Variants in TBC1D1 observed in about 807,000 individuals in gnomAD.
TBC1D1 encodes the protein TBC1 (tre-2/USP6, BUB2, cdc16) domain family, member 1.
TBC1D1 carries 89 observed loss-of-function variants against 125.6 expected under a neutral mutation model. The ratio of observed to expected loss-of-function variants is 0.71; its 90% CI spans 0.60 to 0.85. TBC1D1 has a LOEUF of 0.85. TBC1D1 is among the 40% of genes least tolerant of loss of function. The pLI is 0.00. For synonymous variants in TBC1D1, 565 were observed against 564.1 expected, an observed-to-expected ratio of 1.00 and a Z score of -0.02; for missense variants, 1,377 against 1,469.2, an observed-to-expected ratio of 0.94 and a Z score of 1.03.
At chr4:38,002,774 G>A (rs766903740) in intron 2 of TBC1D1, among the ~76,000 whole-genome samples, 11 of 152,118 alleles carry the variant, frequency 7.2e-5, no homozygotes, top group Non-Finnish European at 1.6e-4. Context: ...AAAAATTATG[G>A]GTGGCCATTA....
chr4:38,027,225 T>C (rs1745240020), intron 6 of TBC1D1, among the ~76,000 whole-genome samples: 2 of 152,306 alleles, frequency 1.3e-5, no homozygotes, highest in South Asian at 2.1e-4. Flanking sequence ...CTTCATCAGA[T>C]TGTTTTGAGA....
intron 17 of TBC1D1, among the ~76,000 whole-genome samples, chr4:38,118,987 G>A (rs529166750): frequency 6.6e-5 from 10 of 152,242 alleles, no homozygotes; most frequent in African/African-American, 1.9e-4. Context: ...TGGTCAGTTC[G>A]GGCACAGTTT....
In TBC1D1 at chr4:37,977,652, G is replaced by C. The variant is rs1227652183; in HGVS notation, c.418-36857G>C. 5.5e-6 allele frequency: 1 copy of C among 181,524 alleles called. No homozygotes were observed. The highest frequency in any genetic ancestry group is 1.9e-4 in the East Asian group (1 of 5,266). The allele number at this position is 181,524 out of a possible 1,614,324, so 11.2% of individuals were successfully genotyped here. A position where few individuals can be genotyped will look rare whatever the true frequency, so the allele number is the denominator to read the frequency against. On this transcript the variant is annotated intron_variant, in intron 2 of 19. Coordinates refer to ENST00000261439, the MANE Select transcript of TBC1D1 (RefSeq NM_015173.4). This position sits in a 1 kb window ranked among gnomAD's most constrained non-coding sequence, Gnocchi z 4.3. ...GGAGGCCAGGCGCGGCGGGGGGCGA[G>C]CGGCGGGCGCGACCAGGTCGTTAGC...
intron 12 of TBC1D1, among the ~76,000 whole-genome samples, chr4:38,065,568 ATTATC>A (rs1450664341): frequency 2.0e-5 from 3 of 151,778 alleles, no homozygotes; most frequent in African/African-American, 4.8e-5. Flanking sequence ...AGCCATTGTA[ATTATC>A]TTTATCATGT....
intron 2 of TBC1D1, among the ~76,000 whole-genome samples, chr4:38,002,835 A>G (rs1055645703): frequency 1.3e-5 from 2 of 152,222 alleles, no homozygotes; most frequent in African/African-American, 4.8e-5. Flanking sequence ...CCAAACCAAA[A>G]TGGAGTCACT....
At chr4:37,907,969 C>T (rs1342411548) in intron 2 of TBC1D1, among the ~76,000 whole-genome samples, 1 of 152,132 alleles carries the variant, frequency 6.6e-6, no homozygotes. Flanking sequence ...GCTCTGCTTC[C>T]TTTAAAGGGA....
rs1578011479 is a variant in TBC1D1, at chr4:37,951,558, C to T, written c.417+49046C>T. Among the ~76,000 whole-genome samples the T allele has an allele frequency of 3.9e-5, 6 of 152,264 alleles. 1 individual carries two copies. Among genetic ancestry groups the T allele is most frequent in the Admixed American group, 3.9e-4 (6 of 15,294 alleles). ...TGTTAACATATCAGAACTACAGGCT[C>T]TTTTTTATTCTTGTGCCCAAGACTC... On this transcript the variant is annotated intron_variant, in intron 2 of 19. Transcript: ENST00000261439.
At position 37,902,446 on chromosome 4, in the gene TBC1D1, G is replaced by A; in HGVS notation, c.351G>A (p.Leu117=). Residue 117 remains leucine, a synonymous_variant, in exon 2 of 20, where the codon CTG becomes CTA. Coordinates refer to ENST00000261439, the MANE Select transcript of TBC1D1 (RefSeq NM_015173.4). The stretch of plus-strand genomic sequence containing the variant: ...ATGACCCAAGTTACTTTGCTTGTCT[G>A]ATTAAGGAAGACGCTGTCCACCGGC... The A allele has an allele frequency of 6.2e-7, 1 of 1,614,082 alleles. No homozygotes were observed. The highest frequency in any genetic ancestry group is 1.3e-5 in the African/African-American group (1 of 75,022).
intron 12 of TBC1D1, among the ~76,000 whole-genome samples, chr4:38,071,859 G>T (rs7695785): frequency 6.6e-6 from 1 of 152,034 alleles, no homozygotes; most frequent in Non-Finnish European, 1.5e-5. Flanking sequence ...CCAATGCTCC[G>T]TTTTACAGAT....
chr4:37,989,795 G>A (rs1277123400), intron 2 of TBC1D1, among the ~76,000 whole-genome samples: 1 of 152,140 alleles, frequency 6.6e-6, no homozygotes, highest in Non-Finnish European at 1.5e-5. Flanking sequence ...CAACTCTGTG[G>A]GGTTAGTTCC....
At position 38,133,116 on chromosome 4, in the gene TBC1D1, A is replaced by C. The variant is rs778909691; in HGVS notation, c.3165A>C (p.Gln1055His). The change falls in exon 19 of 20, where the codon CAA becomes CAC. Residue 1055 changes from glutamine to histidine, a missense_variant. Gln to His is a conservative substitution (Grantham distance 24, BLOSUM62 0). Transcript: ENST00000261439. ...AAATGGACATCGCTAAACAGTTACA[A>C]GCTTATGAAGTTGAGTACCACGTCC... 2.5e-6 allele frequency: 4 copies of C among 1,614,148 alleles called. No individual in the cohort carries two copies. In the South Asian group the frequency reaches 4.4e-5, roughly 18 times the overall value.
intron 2 of TBC1D1, among the ~76,000 whole-genome samples, chr4:37,986,527 C>T (rs1735492283): frequency 6.6e-6 from 1 of 152,156 alleles, no homozygotes; most frequent in Non-Finnish European, 1.5e-5. Context: ...CTCACTGCAA[C>T]CTCTGCCTTC....
chr4:37,910,825 A>G (rs185722102), intron 2 of TBC1D1, among the ~76,000 whole-genome samples: 26 of 152,200 alleles, frequency 1.7e-4, no homozygotes, highest in African/African-American at 6.0e-4. Context: ...CAAAAGATAG[A>G]TGCTTGAGGT....
intron 19 of TBC1D1, among the ~76,000 whole-genome samples, chr4:38,133,717 T>C (rs1283730669): frequency 6.6e-6 from 1 of 152,232 alleles, no homozygotes; most frequent in Non-Finnish European, 1.5e-5. Context: ...GAGTCCTTGG[T>C]GCATATACAA....
chr4:38,074,444 G>A (rs188981684), intron 12 of TBC1D1, among the ~76,000 whole-genome samples: 1 of 152,256 alleles, frequency 6.6e-6, no homozygotes, highest in African/African-American at 2.4e-5. Context: ...GGCTTGGAAG[G>A]ATCGATTTCC....
intron 14 of TBC1D1, among the ~76,000 whole-genome samples, chr4:38,097,680 G>A (rs113840006): frequency 0.01 from 1,587 of 151,958 alleles, 27 homozygotes; most frequent in African/African-American, 0.036. Flanking sequence ...TTTTCACTGT[G>A]TTGGCAAGGC....
chr4:38,026,080 T>TA (rs35440185), intron 6 of TBC1D1, among the ~76,000 whole-genome samples: 91,771 of 148,316 alleles, frequency 0.62, 28,667 homozygotes, highest in East Asian at 0.76. Flanking sequence ...TGAGATTACT[T>TA]AAAAAAAAAA....
intron 2 of TBC1D1, among the ~76,000 whole-genome samples, chr4:37,993,770 C>T (rs917907047): frequency 6.6e-6 from 1 of 152,048 alleles, no homozygotes; most frequent in Non-Finnish European, 1.5e-5. Flanking sequence ...TTAGTAGAGA[C>T]GGGGTTTCAC....
intron 1 of TBC1D1, among the ~76,000 whole-genome samples, chr4:37,899,062 T>G (rs1480573363): frequency 5.3e-5 from 8 of 152,156 alleles, no homozygotes; most frequent in African/African-American, 1.9e-4. Flanking sequence ...AGGGGTGTGA[T>G]ATGATAAATT....
Sources: allele counts gnomAD v4.1 joint callset (sites outside exome capture counted in the v4.1 genomes callset), GRCh38; gene constraint gnomAD v4.1.1; non-coding constraint Gnocchi (gnomAD v3.1); transcripts MANE v1.5; gene names NCBI Gene and HGNC (gene_info 2026-07-23, HGNC 2026-07-21).